TMEM232: variants seen among roughly 807,000 people sequenced by gnomAD.
TMEM232 encodes transmembrane protein 232.
In TMEM232, 80 loss-of-function variants were observed where a neutral mutation model predicts 78.8. The observed-to-expected ratio is 1.01, with a 90% CI of 0.85 to 1.22. The LOEUF (loss-of-function observed/expected upper bound fraction) is 1.22, where lower values mean the gene tolerates loss of function less well. TMEM232 is among the 50% of genes most tolerant of loss of function. The pLI is 0.00. For synonymous variants in TMEM232, 297 were observed against 254.3 expected (o/e 1.17, Z -1.60); for missense variants, 881 against 742.2 (o/e 1.19, Z -2.17).
At chr5:110,673,567 C>T (rs1791638772) in intron 1 of TMEM232, among the ~76,000 whole-genome samples, 1 of 152,034 alleles carries the variant, frequency 6.6e-6, no homozygotes, top group Non-Finnish European at 1.5e-5. Context: ...GATGTAAAAA[C>T]ATTTTTCCAC....
chr5:110,605,472 GT>G, intron 9 of TMEM232, 114 bp from the exon 10 acceptor site: 1 of 1,231,326 alleles, frequency 8.1e-7, no homozygotes, highest in Non-Finnish European at 1.1e-6. Context: ...ATATCTAAAT[GT>G]GTTCATTAAA....
chr5:110,606,291 A>G lies in TMEM232; in HGVS notation c.903-4T>C. Reference sequence around the variant, plus strand: ...TAAAGCCAGTACTGAATCCAACCTGAAAATTTTATGGACGAAAGGATAAAG... The same window carrying G: ...TAAAGCCAGTACTGAATCCAACCTGGAAATTTTATGGACGAAAGGATAAAG... On this transcript the variant is annotated splice_region_variant and splice_polypyrimidine_tract_variant and intron_variant, in intron 8 of 13. Coordinates refer to ENST00000455884, the MANE Select transcript of TMEM232 (RefSeq NM_001039763.4). 1 of 1,516,312 alleles carries G rather than the reference A, an allele frequency of 6.6e-7. No individual in the cohort carries two copies. The highest frequency in any genetic ancestry group is 8.9e-7 in the Non-Finnish European group (1 of 1,128,238). The allele number at this position is 1,516,312 out of a possible 1,614,324, so 93.9% of individuals were successfully genotyped here.
chr5:110,577,622 A>C (rs1309702514), intron 10 of TMEM232, among the ~76,000 whole-genome samples: 1 of 152,098 alleles, frequency 6.6e-6, no homozygotes, highest in African/African-American at 2.4e-5. Context: ...GAATCAACCT[A>C]AATGCTTATG....
At chr5:110,616,859 T>C (rs1782982521) in intron 8 of TMEM232, among the ~76,000 whole-genome samples, 1 of 152,080 alleles carries the variant, frequency 6.6e-6, no homozygotes, top group Non-Finnish European at 1.5e-5. Flanking sequence ...ATTGATGTAA[T>C]AACAGTATGG....
intron 1 of TMEM232, among the ~76,000 whole-genome samples, chr5:110,669,596 A>G (rs1791090949): frequency 6.6e-6 from 1 of 152,212 alleles, no homozygotes; most frequent in Non-Finnish European, 1.5e-5. Context: ...ATTCAAATCA[A>G]TAGAAAAAGA....
chr5:110,454,723 A>T (rs1348177357), intron 12 of TMEM232, among the ~76,000 whole-genome samples: 1 of 152,154 alleles, frequency 6.6e-6, no homozygotes, highest in African/African-American at 2.4e-5. Context: ...TGTAACATTA[A>T]ATGTTTATAT....
intron 1 of TMEM232, among the ~76,000 whole-genome samples, chr5:110,721,395 A>T (rs1024688730): frequency 6.6e-6 from 1 of 151,764 alleles, no homozygotes; most frequent in Non-Finnish European, 1.5e-5. Flanking sequence ...AACATCTAGA[A>T]ATGCATGGAT....
chr5:110,707,251 G>A (rs961506076), intron 1 of TMEM232, among the ~76,000 whole-genome samples: 4 of 152,166 alleles, frequency 2.6e-5, no homozygotes, highest in African/African-American at 9.7e-5. Context: ...GCATTGAAGA[G>A]GGTCAGAGAG....
At chr5:110,707,343 G>A (rs891535688) in intron 1 of TMEM232, among the ~76,000 whole-genome samples, 5 of 152,200 alleles carry the variant, frequency 3.3e-5, no homozygotes, top group African/African-American at 1.2e-4. Flanking sequence ...GTGTGTAATT[G>A]GAGGAGGGAG....
chr5:110,647,421 C>T (rs1185889116), intron 2 of TMEM232, among the ~76,000 whole-genome samples: 1 of 151,906 alleles, frequency 6.6e-6, no homozygotes, highest in Non-Finnish European at 1.5e-5. Context: ...GTTTATCACT[C>T]ACAACTGTTA....
intron 2 of TMEM232, among the ~76,000 whole-genome samples, chr5:110,403,264 C>A (rs949088020): frequency 1.3e-5 from 2 of 152,042 alleles, no homozygotes; most frequent in Admixed American, 6.6e-5. Context: ...TACTATAGGG[C>A]AAAGAAATAG....
In TMEM232 at chr5:110,494,542, G is replaced by T. The variant is rs1489157835; in HGVS notation, c.1703+34046C>A. Among the ~76,000 whole-genome samples, 10 of 151,972 alleles carry T rather than the reference G, an allele frequency of 6.6e-5. No homozygotes were observed. In the South Asian group the frequency reaches 2.1e-3, roughly 32 times the overall value. The stretch of plus-strand genomic sequence containing the variant: ...CATTCAGAGTGCAGGGAGGGAAATA[G>T]CATTACCTTTAAATTTATACATGCA... On this transcript the variant is annotated intron_variant, in intron 12 of 13. Transcript: ENST00000455884.
chr5:110,685,630 C>T (rs144475781), intron 1 of TMEM232, among the ~76,000 whole-genome samples: 59 of 152,188 alleles, frequency 3.9e-4, no homozygotes, highest in African/African-American at 1.4e-3. Context: ...TACACCTACA[C>T]CCTGACCTAG....
In TMEM232 at chr5:110,605,294, A is replaced by C; in HGVS notation, c.1091T>G (p.Ile364Ser). ...AWNVVYIYTV[I>S]LAEICLYAAT... is the part of the protein sequence containing the mutation. Reference sequence around the variant, plus strand: ...TGCATACAAGCAGATTTCTGCAAGAATTACTGTATATATGTAGACTACATT... The same window carrying C: ...TGCATACAAGCAGATTTCTGCAAGACTTACTGTATATATGTAGACTACATT... The change falls in exon 10 of 14, where the codon ATT becomes AGT. Residue 364 changes from isoleucine to serine, a missense_variant. Transcript: ENST00000455884. 6.4e-7 allele frequency: 1 copy of C among 1,551,460 alleles called. No homozygotes were observed. Among genetic ancestry groups the C allele is most frequent in the Non-Finnish European group, 8.7e-7 (1 of 1,146,752 alleles).
At chr5:110,532,834 A>G (rs1771750952) in intron 11 of TMEM232, among the ~76,000 whole-genome samples, 1 of 152,000 alleles carries the variant, frequency 6.6e-6, no homozygotes, top group Non-Finnish European at 1.5e-5. Context: ...CCAATATCCC[A>G]TCCCACAGCA....
chr5:110,498,425 G>A (rs960744930), intron 12 of TMEM232, among the ~76,000 whole-genome samples: 12 of 152,112 alleles, frequency 7.9e-5, no homozygotes, highest in African/African-American at 2.9e-4. Context: ...TCACATGGGA[G>A]CCTTAACATT....
At chr5:110,431,515 C>T (rs1189911780) in intron 12 of TMEM232, among the ~76,000 whole-genome samples, 6 of 151,566 alleles carry the variant, frequency 4.0e-5, no homozygotes, top group Non-Finnish European at 8.9e-5. Context: ...GAGTCTTTGT[C>T]ATTTTTAATA....
chr5:110,541,666 GA>G (rs1773131985), intron 11 of TMEM232, among the ~76,000 whole-genome samples: 2 of 151,750 alleles, frequency 1.3e-5, no homozygotes, highest in Admixed American at 1.3e-4. Flanking sequence ...GCATTGTCAG[GA>G]AACATAAAAA....
chr5:110,633,605 G>A (rs1440276007), intron 5 of TMEM232, among the ~76,000 whole-genome samples: 3 of 152,072 alleles, frequency 2.0e-5, no homozygotes, highest in Admixed American at 2.0e-4. Context: ...ATAAGTCTTT[G>A]GAAGTTCACC....
Sources: gnomAD v4.1 joint callset for allele counts (sites outside exome capture counted in the v4.1 genomes callset) on GRCh38, gnomAD v4.1.1 for gene constraint, MANE v1.5 for transcripts, NCBI Gene and HGNC (gene_info 2026-07-23, HGNC 2026-07-21) for gene names.